POU6F2: variants seen among roughly 807,000 people sequenced by gnomAD.
POU6F2 encodes the protein POU class 6 homeobox 2.
Under a neutral mutation model 71.3 loss-of-function variants are expected in POU6F2, and 31 were observed. The observed-to-expected ratio is 0.43, with a 90% CI of 0.33 to 0.59. The LOEUF is 0.59. Ranked by LOEUF, POU6F2 falls within the 20% of genes least tolerant of loss-of-function variation. The pLI, the probability that POU6F2 is intolerant of heterozygous loss-of-function variation, is 0.04. For synonymous variants in POU6F2, 347 were observed against 355.7 expected (o/e 0.98, Z 0.27); for missense variants, 783 against 856.8 (o/e 0.91, Z 1.07).
At chr7:39,045,924 A>G (rs1203170067) in intron 1 of POU6F2, among the ~76,000 whole-genome samples, 1 of 151,932 alleles carries the variant, frequency 6.6e-6, no homozygotes, top group East Asian at 1.9e-4. Context: ...GATCAGGCAG[A>G]TACAAGTATT....
intron 2 of POU6F2, among the ~76,000 whole-genome samples, chr7:39,096,073 C>A (rs1485370020): frequency 6.6e-6 from 1 of 152,028 alleles, no homozygotes; most frequent in East Asian, 1.9e-4. Context: ...GATATAGAAC[C>A]AGAAACAGCA....
chr7:39,036,026 G>A (rs1377281761), intron 1 of POU6F2, among the ~76,000 whole-genome samples: 2 of 152,054 alleles, frequency 1.3e-5, no homozygotes, highest in East Asian at 1.9e-4. Flanking sequence ...GAAAAATGCC[G>A]CCCAAAGAAT....
chr7:39,438,930 T>C (rs889381798), intron 7 of POU6F2, among the ~76,000 whole-genome samples: 3 of 152,200 alleles, frequency 2.0e-5, no homozygotes, highest in African/African-American at 7.2e-5. Flanking sequence ...TCTGTCTCAT[T>C]GATCTGTCTA....
At chr7:39,392,653 G>A (rs1049133008) in intron 5 of POU6F2, among the ~76,000 whole-genome samples, 5 of 152,184 alleles carry the variant, frequency 3.3e-5, no homozygotes, top group South Asian at 4.1e-4. Context: ...CTTCTTTGCT[G>A]TCTGGGACTA....
chr7:39,368,321 A>G (rs922878665), intron 5 of POU6F2, among the ~76,000 whole-genome samples: 5 of 152,224 alleles, frequency 3.3e-5, no homozygotes, highest in Admixed American at 3.3e-4. Context: ...ACCAGCCACA[A>G]CACTCCCTTA....
intron 2 of POU6F2, among the ~76,000 whole-genome samples, chr7:39,185,839 GTATATGTATA>G (rs1562738003): frequency 9.1e-6 from 1 of 109,680 alleles, no homozygotes; most frequent in African/African-American, 4.1e-5. Flanking sequence ...ATATGTATAT[GTATATGTATA>G]TGTATGTGTA....
intron 5 of POU6F2, among the ~76,000 whole-genome samples, chr7:39,362,281 GAA>G (rs56922701): frequency 0.019 from 2,457 of 130,896 alleles, 52 homozygotes; most frequent in African/African-American, 0.065. Context: ...TCAATGGCCA[GAA>G]AAAAAAAAAA....
chr7:39,428,275 A>T (rs1049248428), intron 6 of POU6F2, among the ~76,000 whole-genome samples: 6 of 152,190 alleles, frequency 3.9e-5, no homozygotes, highest in Non-Finnish European at 5.9e-5. Context: ...TTTGTGACTT[A>T]TGCTCTTAAC....
chr7:39,035,339 C>A (rs1157416708), intron 1 of POU6F2, among the ~76,000 whole-genome samples: 1 of 152,008 alleles, frequency 6.6e-6, no homozygotes, highest in East Asian at 1.9e-4. Context: ...TTTTCTTCAT[C>A]ATGTCACATT....
At chr7:39,188,410 T>C (rs1182629225) in intron 2 of POU6F2, among the ~76,000 whole-genome samples, 2 of 152,182 alleles carry the variant, frequency 1.3e-5, no homozygotes, top group Admixed American at 6.5e-5. Flanking sequence ...CCTCCTGGGC[T>C]CAAATAAGTC....
chr7:39,328,458 TTGGTA>T (rs1785566017), intron 4 of POU6F2, among the ~76,000 whole-genome samples: 1 of 152,196 alleles, frequency 6.6e-6, no homozygotes, highest in African/African-American at 2.4e-5. Flanking sequence ...CATGCCACAG[TTGGTA>T]TCATCAGTGG....
intron 1 of POU6F2, among the ~76,000 whole-genome samples, chr7:39,016,604 A>C (rs1450981967): frequency 6.6e-6 from 1 of 152,162 alleles, no homozygotes; most frequent in African/African-American, 2.4e-5. Flanking sequence ...CCAAAGTCAA[A>C]TATTTATATT....
At chr7:39,377,534 C>T (rs762082704) in intron 5 of POU6F2, among the ~76,000 whole-genome samples, 20 of 152,210 alleles carry the variant, frequency 1.3e-4, no homozygotes, top group Non-Finnish European at 2.5e-4. Flanking sequence ...CCTGGGCCCA[C>T]ATCTCCAAGA....
At chr7:39,144,105 A>G (rs1792564599) in intron 2 of POU6F2, among the ~76,000 whole-genome samples, 1 of 152,132 alleles carries the variant, frequency 6.6e-6, no homozygotes, top group African/African-American at 2.4e-5. Flanking sequence ...TTGAGGTGTC[A>G]GGCACTGAGA....
intron 5 of POU6F2, among the ~76,000 whole-genome samples, chr7:39,350,481 G>A (rs1786119610): frequency 6.6e-6 from 1 of 152,090 alleles, no homozygotes; most frequent in Non-Finnish European, 1.5e-5. Context: ...GTTTAAAAAA[G>A]GAATATTCCT....
intron 1 of POU6F2, among the ~76,000 whole-genome samples, chr7:39,067,730 C>A (rs916178854): frequency 6.6e-6 from 1 of 151,758 alleles, no homozygotes. Flanking sequence ...ATATAAAGTT[C>A]AATGAGAAAA....
intron 2 of POU6F2, among the ~76,000 whole-genome samples, chr7:39,126,334 T>C (rs1422895515): frequency 1.3e-5 from 2 of 152,156 alleles, no homozygotes; most frequent in African/African-American, 4.8e-5. Context: ...GCAGGGAACT[T>C]CTGAGGAAGG....
Position 39,464,471 on chromosome 7 carries a change from A to ATCC in POU6F2, c.1951_1953dup (p.Leu651dup). The ATCC allele has an allele frequency of 6.2e-7, 1 of 1,613,960 alleles. No individual in the cohort carries two copies. The highest frequency in any genetic ancestry group is 8.5e-7 in the Non-Finnish European group (1 of 1,179,872). On this transcript the variant is annotated inframe_insertion, in exon 10 of 10. Coordinates refer to ENST00000518318, the MANE Select transcript of POU6F2 (RefSeq NM_001370959.1). This position sits in a 1 kb window ranked among gnomAD's most constrained non-coding sequence, Gnocchi z 4.1. Reference sequence around the variant, plus strand: ...CTCCTTCACACCCCAGGCCCTTGAGATCCTCAATGCCCACTTTGAGAAGAA... The same window carrying ATCC: ...CTCCTTCACACCCCAGGCCCTTGAGATCCTCCTCAATGCCCACTTTGAGAAGAA...
intron 2 of POU6F2, among the ~76,000 whole-genome samples, chr7:39,151,255 A>G (rs1584569920): frequency 8.3e-6 from 1 of 120,088 alleles, no homozygotes; most frequent in African/African-American, 2.8e-5. Flanking sequence ...CCCATACAGC[A>G]TTTTACAAAG....
Sources: gnomAD v4.1 joint callset for allele counts (sites outside exome capture counted in the v4.1 genomes callset) on GRCh38, gnomAD v4.1.1 for gene constraint, Gnocchi (gnomAD v3.1) non-coding constraint, MANE v1.5 for transcripts, NCBI Gene and HGNC (gene_info 2026-07-23, HGNC 2026-07-21) for gene names.